The following UBAP1L variants were observed in gnomAD, a reference collection of about 807,000 sequenced individuals.
The protein encoded by UBAP1L is ubiquitin-associated protein 1-like.
In UBAP1L, 32 loss-of-function variants were observed where a neutral mutation model predicts 32.1. That is an observed-to-expected ratio of 1.00 (90% CI 0.75 to 1.34). UBAP1L has a LOEUF of 1.34. Among genes scored for constraint, UBAP1L ranks in the 40% most tolerant of loss-of-function variants. The pLI, the probability that UBAP1L is intolerant of heterozygous loss-of-function variation, is 0.00. For synonymous variants in UBAP1L, 243 were observed against 250.2 expected (o/e 0.97, Z 0.27); for missense variants, 516 against 540.5 (o/e 0.95, Z 0.45).
rs1349064887 is a variant in UBAP1L, at chr15:65,106,133, C to CT, written c.82dup (p.Ser28LysfsTer40). The CT allele has an allele frequency of 2.6e-6, 4 of 1,551,082 alleles. No homozygotes were observed. The highest frequency in any genetic ancestry group is 3.5e-6 in the Non-Finnish European group (4 of 1,146,820). ...CAGAACTTCCCCGCAGGCCGGGACG[C>CT]TGAGTTCTGGCCCAGGGAGAGGCTC... On this transcript the variant is annotated frameshift_variant, in exon 2 of 6. Transcript: ENST00000559089. LOFTEE classifies it high-confidence loss of function.
Position 65,102,303 on chromosome 15 carries a change from C to A in UBAP1L, c.502G>T (p.Val168Phe), listed in dbSNP as rs551156642. Reference sequence around the variant, plus strand: ...TGCAGGAGGGCGCGGGGCCGGGAGACCAGCTTCCCCTCGGAGAGCCGCCGC... The same window carrying A: ...TGCAGGAGGGCGCGGGGCCGGGAGAACAGCTTCCCCTCGGAGAGCCGCCGC... ...ARRRLSEGKLVSRPRALLHGL... is the reference protein window; with the variant it reads ...ARRRLSEGKLFSRPRALLHGL... The change falls in exon 3 of 6, where the codon GTC becomes TTC. Residue 168 changes from valine to phenylalanine, a missense_variant. By Grantham distance (50) the Val-to-Phe change is conservative. Transcript: ENST00000559089. The surrounding 1 kb of genome is among the most constrained non-coding windows in gnomAD (Gnocchi z 5.0). The A allele has an allele frequency of 2.8e-6, 4 of 1,421,698 alleles. No individual in the cohort carries two copies. The African/African-American group carries it at 6.1e-5, about 22-fold the overall frequency. The allele number at this position is 1,421,698 out of a possible 1,614,324, so 88.1% of individuals were successfully genotyped here.
rs1313727738 is a variant in UBAP1L, at chr15:65,094,250, G to C, written c.1011+225C>G. Reference sequence around the variant, plus strand: ...CTGCTGCTCTCTGCCTCCTGTCCCCGTCCCACCTCTTCCTGATCTCCCTCT... The same window carrying C: ...CTGCTGCTCTCTGCCTCCTGTCCCCCTCCCACCTCTTCCTGATCTCCCTCT... On this transcript the variant is annotated intron_variant, in intron 5 of 5. Coordinates refer to ENST00000559089, the MANE Select transcript of UBAP1L (RefSeq NM_001163692.2). This position sits in a 1 kb window ranked among gnomAD's most constrained non-coding sequence, Gnocchi z 4.2. 6.6e-6 allele frequency among the ~76,000 whole-genome samples: 1 copy of C among 152,072 alleles called. No homozygotes were observed. The highest frequency in any genetic ancestry group is 1.9e-4 in the East Asian group (1 of 5,192).
At chr15:65,112,900 T>A (rs1028241341) in intron 1 of UBAP1L, among the ~76,000 whole-genome samples, 1 of 152,188 alleles carries the variant, frequency 6.6e-6, no homozygotes, top group Non-Finnish European at 1.5e-5. Context: ...CCTGTGAATT[T>A]TTATCTCCTA....
Position 65,102,290 on chromosome 15 carries a change from C to G in UBAP1L, c.515G>C (p.Arg172Pro), listed in dbSNP as rs2087250519. The stretch of plus-strand genomic sequence containing the variant: ...GCCGCGGAGGCCATGCAGGAGGGCG[C>G]GGGGCCGGGAGACCAGCTTCCCCTC... ...LSEGKLVSRP[R>P]ALLHGLRGHR... Residue 172 changes from arginine to proline, a missense_variant, in exon 3 of 6, where the codon CGC becomes CCC. By Grantham distance (103) the Arg-to-Pro change is moderately radical. Coordinates refer to ENST00000559089, the MANE Select transcript of UBAP1L (RefSeq NM_001163692.2). The surrounding 1 kb of genome is among the most constrained non-coding windows in gnomAD (Gnocchi z 5.0). The G allele has an allele frequency of 7.2e-7, 1 of 1,394,450 alleles. No individual in the cohort carries two copies. Among genetic ancestry groups the G allele is most frequent in the Non-Finnish European group, 9.2e-7 (1 of 1,082,632 alleles). 86.4% of individuals were successfully genotyped at this position (1,394,450 alleles called of 1,614,324 possible). A position where few individuals can be genotyped will look rare whatever the true frequency, so the allele number is the denominator to read the frequency against.
Position 65,102,254 on chromosome 15 carries a change from A to G in UBAP1L, c.551T>C (p.Leu184Pro). 7.7e-7 allele frequency: 1 copy of G among 1,297,558 alleles called. No homozygotes were observed. Among genetic ancestry groups the G allele is most frequent in the Non-Finnish European group, 9.7e-7 (1 of 1,025,706 alleles). The allele number at this position is 1,297,558 out of a possible 1,614,324, so 80.4% of individuals were successfully genotyped here. The change falls in exon 3 of 6, where the codon CTG becomes CCG. Residue 184 changes from leucine to proline, a missense_variant. Coordinates refer to ENST00000559089, the MANE Select transcript of UBAP1L (RefSeq NM_001163692.2). This position sits in a 1 kb window ranked among gnomAD's most constrained non-coding sequence, Gnocchi z 5.0. ...CTGCGCAGGGCTCGGGCACAGGCTCAGCGCGCGGTGGCCGCGGAGGCCATG... is the reference window on the plus strand; with the variant it reads ...CTGCGCAGGGCTCGGGCACAGGCTCGGCGCGCGGTGGCCGCGGAGGCCATG... ...LLHGLRGHRA[L>P]SLCPSPAQSP...
rs2087394359 is a variant in UBAP1L, at chr15:65,115,138, CT to C, written c.-174+11del. 1 of 152,186 alleles carries C rather than the reference CT, an allele frequency of 6.6e-6. No homozygotes were observed. The highest frequency in any genetic ancestry group is 2.1e-4 in the South Asian group (1 of 4,838). The allele number at this position is 152,186 out of a possible 1,614,324, so 9.4% of individuals were successfully genotyped here. A position where few individuals can be genotyped will look rare whatever the true frequency, so the allele number is the denominator to read the frequency against. ...ACTTATTTAAATGGAATAAGATATA[CT>C]TTGTACTTACCTTGTAATTACCAGG... On this transcript the variant is annotated intron_variant, in intron 1 of 5. Transcript: ENST00000559089.
chr15:65,093,991 G>A (rs1424802872), intron 5 of UBAP1L, among the ~76,000 whole-genome samples: 1 of 152,218 alleles, frequency 6.6e-6, no homozygotes, highest in African/African-American at 2.4e-5. Flanking sequence ...AGGTTGCAGT[G>A]AGCCAAGATC....
intron 2 of UBAP1L, chr15:65,105,009 TGAA>T (rs758360749): frequency 4.4e-3 from 375 of 84,760 alleles, no homozygotes; most frequent in South Asian, 0.011. Context: ...CTGTCTCAAA[TGAA>T]AAAAAAAAAA....
At chr15:65,111,184 AT>A (rs1331324967) in intron 1 of UBAP1L, among the ~76,000 whole-genome samples, 4 of 152,226 alleles carry the variant, frequency 2.6e-5, no homozygotes, top group African/African-American at 9.6e-5. Flanking sequence ...TAACCAGTAA[AT>A]TATCTGCCCC....
intron 1 of UBAP1L, among the ~76,000 whole-genome samples, chr15:65,111,609 T>C (rs558980242): frequency 3.3e-5 from 5 of 152,240 alleles, no homozygotes; most frequent in East Asian, 3.9e-4. Context: ...CTCAGCCTCC[T>C]GAGTAGCTGG....
chr15:65,108,543 G>A (rs1277814263), intron 1 of UBAP1L, among the ~76,000 whole-genome samples: 2 of 152,024 alleles, frequency 1.3e-5, no homozygotes, highest in African/African-American at 2.4e-5. Context: ...CCAGGAGATT[G>A]AGATGAGCAT....
Position 65,104,291 on chromosome 15 carries a change from A to G in UBAP1L, c.121-1607T>C, listed in dbSNP as rs368148510. Reference sequence around the variant, plus strand: ...GGGAAGGGAAAAAAGAAAAGAAAAGAGAGAGAGAGCGAGACAGAGAGAGAG... The same window carrying G: ...GGGAAGGGAAAAAAGAAAAGAAAAGGGAGAGAGAGCGAGACAGAGAGAGAG... On this transcript the variant is annotated intron_variant, in intron 2 of 5. Transcript: ENST00000559089. 3.3e-5 allele frequency among the ~76,000 whole-genome samples: 5 copies of G among 151,984 alleles called. No individual in the cohort carries two copies. The East Asian group carries it at 5.8e-4, about 18-fold the overall frequency.
chr15:65,114,333 A>T (rs1011171708), intron 1 of UBAP1L, among the ~76,000 whole-genome samples: 29 of 152,134 alleles, frequency 1.9e-4, no homozygotes, highest in African/African-American at 7.0e-4. Context: ...TTTGAAGAAA[A>T]ATCCTAATTC....
At chr15:65,113,715 T>C (rs1192358055) in intron 1 of UBAP1L, among the ~76,000 whole-genome samples, 4 of 151,778 alleles carry the variant, frequency 2.6e-5, no homozygotes, top group Admixed American at 2.6e-4. Context: ...GCCACTGCAC[T>C]CCAGCCTGGG....
chr15:65,109,169 AAAAG>A (rs914645457), intron 1 of UBAP1L, among the ~76,000 whole-genome samples: 7 of 147,872 alleles, frequency 4.7e-5, no homozygotes, highest in Non-Finnish European at 1.0e-4. Flanking sequence ...AAAAAAAAAA[AAAAG>A]AAAGAAAAAA....
At chr15:65,098,015 A>G (rs2087197061) in intron 4 of UBAP1L, 1 of 152,222 alleles carries the variant, frequency 6.6e-6, no homozygotes, top group Non-Finnish European at 1.5e-5. Context: ...AACCATGAAG[A>G]GTCCCGATGT....
In UBAP1L at chr15:65,092,999, C is replaced by T. The variant is rs2087134915; in HGVS notation, c.*98G>A. On this transcript the variant is annotated 3_prime_UTR_variant, in exon 6 of 6. Transcript: ENST00000559089. ...GTGTTTTTACAATAAGTATGCATCA[C>T]TTTGTTACTCTTACTTGGTTTTAAT... The T allele has an allele frequency of 7.0e-7, 1 of 1,431,696 alleles. No individual in the cohort carries two copies. Among genetic ancestry groups the T allele is most frequent in the Non-Finnish European group, 9.2e-7 (1 of 1,081,328 alleles). 88.7% of individuals were successfully genotyped at this position (1,431,696 alleles called of 1,614,324 possible).
chr15:65,105,916 G>GA (rs1319487770), intron 2 of UBAP1L, 180 bp downstream of exon 2: 33 of 833,662 alleles, frequency 4.0e-5, no homozygotes, highest in Non-Finnish European at 4.6e-5. Context: ...TCCACCTTCC[G>GA]AGTAGCTGGG....
At chr15:65,106,068 G>C (rs996584833) in intron 2 of UBAP1L, 28 bp downstream of exon 2, 2 of 1,550,440 alleles carry the variant, frequency 1.3e-6, no homozygotes, top group Non-Finnish European at 1.7e-6. Context: ...CACAGACCCA[G>C]AAGACAGAAA....
Sources: gnomAD v4.1 joint callset for allele counts (sites outside exome capture counted in the v4.1 genomes callset) on GRCh38, gnomAD v4.1.1 for gene constraint, Gnocchi (gnomAD v3.1) non-coding constraint, MANE v1.5 for transcripts, NCBI Gene and HGNC (gene_info 2026-07-23, HGNC 2026-07-21) for gene names.